Variants in TMEM223 observed in about 807,000 individuals in gnomAD.
TMEM223 encodes transmembrane protein 223.
Under a neutral mutation model 14.1 loss-of-function variants are expected in TMEM223, and 14 were observed. The observed-to-expected ratio is 0.99, with a 90% CI of 0.66 to 1.55. The LOEUF (loss-of-function observed/expected upper bound fraction) is 1.55. TMEM223 is among the 40% of genes most tolerant of loss of function. The pLI is 0.00. For synonymous variants in TMEM223, 145 were observed against 120.5 expected (o/e 1.20, Z -1.33); for missense variants, 346 against 269.9 (o/e 1.28, Z -1.97).
downstream of TMEM223, among the ~76,000 whole-genome samples, chr11:62,784,987 A>C (rs759462910): frequency 6.6e-6 from 1 of 152,070 alleles, no homozygotes; most frequent in Admixed American, 6.6e-5. Context: ...TACTTTAATA[A>C]GATTTAGATC....
At chr11:62,774,779 T>C (rs2084173194) in intron 1 of TMEM223, 4 of 367,332 alleles carry the variant, frequency 1.1e-5, no homozygotes, top group South Asian at 7.6e-5. Context: ...CGAAATCTTG[T>C]TTCTACTAAA....
At chr11:62,789,127 TG>T (rs772200465), downstream of TMEM223, 76 of 1,614,108 alleles carry the variant, frequency 4.7e-5, no homozygotes, top group Non-Finnish European at 1.1e-5. Flanking sequence ...ACTTTGTAGC[TG>T]GGGCCTCTGG....
chr11:62,771,691 C>G (rs2084148649), exon 3 of TMEM223: 1 of 194,102 alleles, frequency 5.2e-6, no homozygotes, highest in South Asian at 7.5e-5. Flanking sequence ...TGCGCGTTGC[C>G]GAGGCCCGGC....
At chr11:62,789,489 A>G (rs550610339), downstream of TMEM223, 804 of 1,608,986 alleles carry the variant, frequency 5.0e-4, no homozygotes, top group Non-Finnish European at 6.3e-4. Context: ...GCGGGGTCCT[A>G]TAATTTCCTT....
At chr11:62,777,019 C>G (rs745457219) in intron 1 of TMEM223, among the ~76,000 whole-genome samples, 1 of 151,436 alleles carries the variant, frequency 6.6e-6, no homozygotes, top group East Asian at 1.9e-4. Context: ...TGGCGGTGGG[C>G]GCCTGTAACC....
downstream of TMEM223, chr11:62,789,745 G>T: frequency 6.6e-7 from 1 of 1,505,488 alleles, no homozygotes; most frequent in Non-Finnish European, 9.0e-7. Context: ...GCTCACCAGT[G>T]TATTGTGAGC....
downstream of TMEM223, among the ~76,000 whole-genome samples, chr11:62,783,928 G>C (rs1164833014): frequency 6.8e-6 from 1 of 146,222 alleles, no homozygotes; most frequent in East Asian, 2.0e-4. Context: ...CCTGGAATAA[G>C]TTCTATTTGT....
chr11:62,778,094 C>T (rs1267824229), intron 1 of TMEM223: 1 of 1,614,190 alleles, frequency 6.2e-7, no homozygotes, highest in Non-Finnish European at 8.5e-7. Context: ...TGGCTACCAA[C>T]ATCCCCAAAG....
chr11:62,786,232 C>A (rs747911838), downstream of TMEM223: 2 of 1,597,804 alleles, frequency 1.3e-6, no homozygotes, highest in South Asian at 2.2e-5. Context: ...CAAAGACATG[C>A]TAACTGTATT....
downstream of TMEM223, chr11:62,787,396 G>T (rs767340647): frequency 3.9e-6 from 6 of 1,555,912 alleles, no homozygotes; most frequent in Non-Finnish European, 5.2e-6. Context: ...TGGGCGGGGT[G>T]CTGCTGCAGC....
intron 1 of TMEM223, among the ~76,000 whole-genome samples, chr11:62,781,455 C>G (rs529592189): frequency 6.6e-6 from 1 of 151,886 alleles, no homozygotes; most frequent in African/African-American, 2.4e-5. Context: ...GGGCAGATCA[C>G]GAGGTCAGGA....
At chr11:62,783,165 A>G (rs1397923711), downstream of TMEM223, among the ~76,000 whole-genome samples, 1 of 152,250 alleles carries the variant, frequency 6.6e-6, no homozygotes, top group African/African-American at 2.4e-5. Flanking sequence ...TGTAGAAATT[A>G]TCAAATGATT....
chr11:62,776,358 T>C (rs981392110), intron 1 of TMEM223: 2 of 1,612,066 alleles, frequency 1.2e-6, no homozygotes, highest in African/African-American at 2.7e-5. Flanking sequence ...ATCCTTTGAC[T>C]CTGGCTTTTG....
At position 62,790,059 on chromosome 11, in the gene TMEM223, A is replaced by T; in HGVS notation, c.*564T>A. On this transcript the variant is annotated 3_prime_UTR_variant, in exon 2 of 2. Coordinates refer to ENST00000307366, the MANE Select transcript of TMEM223 (RefSeq NM_001080501.3). ...TTTCCCATTCCTGAAGAATAAGCGGAGTGCTTCCTGCAGCCGAAGACTCCA... is the reference window on the plus strand; with the variant it reads ...TTTCCCATTCCTGAAGAATAAGCGGTGTGCTTCCTGCAGCCGAAGACTCCA... The T allele has an allele frequency of 6.3e-7, 1 of 1,589,510 alleles. No individual in the cohort carries two copies. Among genetic ancestry groups the T allele is most frequent in the Non-Finnish European group, 8.6e-7 (1 of 1,166,144 alleles).
At chr11:62,778,287 C>G (rs1257588993) in intron 1 of TMEM223, 1 of 1,614,176 alleles carries the variant, frequency 6.2e-7, no homozygotes, top group Non-Finnish European at 8.5e-7. Flanking sequence ...GCTTCTAGTT[C>G]ATGTCTCCTA....
intron 1 of TMEM223, chr11:62,775,560 A>C (rs1167023471): frequency 1.5e-5 from 8 of 532,616 alleles, no homozygotes; most frequent in African/African-American, 3.8e-5. Flanking sequence ...GAACCCCAAC[A>C]CTTTGGACTT....
chr11:62,782,522 A>T, downstream of TMEM223: 1 of 1,081,328 alleles, frequency 9.2e-7, no homozygotes, highest in Non-Finnish European at 1.3e-6. Flanking sequence ...ACGCCAAGGT[A>T]TTGGTTCTTC....
chr11:62,787,182 G>C (rs1049331503), downstream of TMEM223: 2 of 1,587,068 alleles, frequency 1.3e-6, no homozygotes, highest in East Asian at 4.6e-5. Flanking sequence ...TCCCCGCGCC[G>C]TACGGGCCTA....
chr11:62,771,647 C>T, downstream of TMEM223: 1 of 177,248 alleles, frequency 5.6e-6, no homozygotes, highest in South Asian at 9.8e-5. Context: ...GCACCCCCTC[C>T]CCGATCTGGG....
Sources: allele counts gnomAD v4.1 joint callset (sites outside exome capture counted in the v4.1 genomes callset), GRCh38; gene constraint gnomAD v4.1.1; transcripts MANE v1.5; gene names NCBI Gene and HGNC (gene_info 2026-07-23, HGNC 2026-07-21).